The following GPR137C variants were observed in gnomAD, a reference collection of about 807,000 sequenced individuals.
GPR137C encodes G protein-coupled receptor 137C, also known as integral membrane protein GPR137C.
Under a neutral mutation model 43.4 loss-of-function variants are expected in GPR137C, and 27 were observed. The observed-to-expected ratio is 0.62, with a 90% CI of 0.46 to 0.86. The LOEUF (loss-of-function observed/expected upper bound fraction) is 0.86. Ranked by LOEUF, GPR137C falls within the 40% of genes least tolerant of loss-of-function variation. The pLI is 0.00. For synonymous variants in GPR137C, 285 were observed against 226.9 expected (o/e 1.26, Z -2.30); for missense variants, 522 against 534.6 (o/e 0.98, Z 0.23).
intron 2 of GPR137C, among the ~76,000 whole-genome samples, chr14:52,599,472 C>T (rs1321195965): frequency 1.4e-5 from 2 of 147,932 alleles, no homozygotes; most frequent in African/African-American, 2.5e-5. Flanking sequence ...CTCGCAGTCT[C>T]ACCCAGGCTG....
chr14:52,566,816 G>A (rs2038377506), intron 1 of GPR137C, among the ~76,000 whole-genome samples: 1 of 152,158 alleles, frequency 6.6e-6, no homozygotes, highest in South Asian at 2.1e-4. Context: ...GATACCATTA[G>A]AACACTGGAT....
At chr14:52,613,254 A>AG (rs2039059261) in intron 3 of GPR137C, 2 of 152,102 alleles carry the variant, frequency 1.3e-5, no homozygotes, top group Non-Finnish European at 2.9e-5. Flanking sequence ...CTCAAAAAAA[A>AG]AAAAAAAAAG....
chr14:52,627,942 A>T (rs1411927253), intron 3 of GPR137C, among the ~76,000 whole-genome samples: 1 of 152,230 alleles, frequency 6.6e-6, no homozygotes, highest in Non-Finnish European at 1.5e-5. Context: ...ATTCAGTATG[A>T]TAGCTAGCCA....
chr14:52,583,009 CA>C (rs2038667398), intron 1 of GPR137C, among the ~76,000 whole-genome samples: 4 of 151,964 alleles, frequency 2.6e-5, no homozygotes, highest in African/African-American at 9.7e-5. Context: ...AAATATTTGA[CA>C]GCCATTAACC....
chr14:52,634,989 C>G lies in GPR137C; in HGVS notation c.1164C>G (p.Gly388=). The G allele has an allele frequency of 6.2e-7, 1 of 1,612,484 alleles. No homozygotes were observed. The highest frequency in any genetic ancestry group is 8.5e-7 in the Non-Finnish European group (1 of 1,179,294). Residue 388 remains glycine, a synonymous_variant, in exon 7 of 7, where the codon GGC becomes GGG. Coordinates refer to ENST00000321662, the MANE Select transcript of GPR137C (RefSeq NM_001099652.2). ...LGWYGTMTGC[G]SSSYTVTPHL... ...GGTATGGCACCATGACTGGGTGTGGCAGCAGCAGTTACACAGTCACTCCCC... is the reference window on the plus strand; with the variant it reads ...GGTATGGCACCATGACTGGGTGTGGGAGCAGCAGTTACACAGTCACTCCCC...
Position 52,634,973 on chromosome 14 carries a change from C to G in GPR137C, c.1148C>G (p.Thr383Ser). ...TCGCAAAGTTTGGGCTGGTATGGCACCATGACTGGGTGTGGCAGCAGCAGT... is the reference window on the plus strand; with the variant it reads ...TCGCAAAGTTTGGGCTGGTATGGCAGCATGACTGGGTGTGGCAGCAGCAGT... ...PNSQSLGWYG[T>S]MTGCGSSSYT... is the part of the protein sequence containing the mutation. The change falls in exon 7 of 7, where the codon ACC becomes AGC. Residue 383 changes from threonine (T) to serine (S), a missense_variant. Transcript: ENST00000321662. The G allele has an allele frequency of 2.5e-6, 4 of 1,612,552 alleles. No individual in the cohort carries two copies. The highest frequency in any genetic ancestry group is 3.4e-6 in the Non-Finnish European group (4 of 1,179,276).
intron 1 of GPR137C, among the ~76,000 whole-genome samples, chr14:52,560,120 G>C (rs1304544266): frequency 3.3e-5 from 5 of 152,172 alleles, no homozygotes; most frequent in Non-Finnish European, 5.9e-5. Flanking sequence ...TTGCACCACT[G>C]CACTCCAGCT....
intron 1 of GPR137C, among the ~76,000 whole-genome samples, chr14:52,557,010 T>A (rs566338583): frequency 6.6e-6 from 1 of 152,316 alleles, no homozygotes; most frequent in Non-Finnish European, 1.5e-5. Context: ...GATGCTATTA[T>A]TGTCCCTACC....
At position 52,595,438 on chromosome 14, in the gene GPR137C, A is replaced by G. The variant is rs530968845; in HGVS notation, c.445-2834A>G. On this transcript the variant is annotated intron_variant, in intron 1 of 6. Coordinates refer to ENST00000321662, the MANE Select transcript of GPR137C (RefSeq NM_001099652.2). ...TTTCTAACTTGGTTCCATTCTCCCC[A>G]TCACTTTCAGGTACAACAATCAAAC... is the stretch of plus-strand genomic sequence containing the variant. Among the ~76,000 whole-genome samples, 270 of 152,284 alleles carry G rather than the reference A, an allele frequency of 1.8e-3. 1 individual carries two copies. The highest frequency in any genetic ancestry group is 6.2e-3 in the African/African-American group (256 of 41,554).
At chr14:52,562,126 G>A (rs981374335) in intron 1 of GPR137C, among the ~76,000 whole-genome samples, 12 of 151,990 alleles carry the variant, frequency 7.9e-5, no homozygotes, top group African/African-American at 2.7e-4. Flanking sequence ...AAAAGAACAG[G>A]ATAAATCCAA....
intron 1 of GPR137C, among the ~76,000 whole-genome samples, chr14:52,577,930 G>C (rs922565037): frequency 6.6e-6 from 1 of 151,852 alleles, no homozygotes; most frequent in South Asian, 2.1e-4. Context: ...GTGCCACTGC[G>C]TTCCAGCCTG....
intron 1 of GPR137C, among the ~76,000 whole-genome samples, chr14:52,581,370 T>TA (rs142405317): frequency 1.2e-3 from 148 of 127,482 alleles, no homozygotes; most frequent in Admixed American, 2.6e-3. Flanking sequence ...CCTTCTCTAC[T>TA]AAAAAAAAAA....
chr14:52,608,358 A>T (rs2039004684), intron 3 of GPR137C, among the ~76,000 whole-genome samples: 1 of 152,248 alleles, frequency 6.6e-6, no homozygotes, highest in Non-Finnish European at 1.5e-5. Context: ...CTTTGATCAC[A>T]AAAAGAAGAG....
At chr14:52,603,547 T>C (rs1412752030) in intron 3 of GPR137C, among the ~76,000 whole-genome samples, 1 of 152,148 alleles carries the variant, frequency 6.6e-6, no homozygotes, top group Non-Finnish European at 1.5e-5. Flanking sequence ...TGTTTGTTTG[T>C]TTTTGAGATG....
chr14:52,633,711 T>C, intron 5 of GPR137C, 56 bp downstream of exon 5: 3 of 1,575,972 alleles, frequency 1.9e-6, no homozygotes, highest in Non-Finnish European at 2.6e-6. Context: ...TTATGGAACA[T>C]TTATATTGAT....
intron 1 of GPR137C, among the ~76,000 whole-genome samples, chr14:52,567,524 A>G (rs189651903): frequency 7.9e-4 from 120 of 152,236 alleles, no homozygotes; most frequent in Middle Eastern, 3.4e-3. Context: ...TTTGTCCTAA[A>G]CCACATTAGA....
In GPR137C at chr14:52,602,545, G is replaced by T. The variant is rs997462304; in HGVS notation, c.717+2204G>T. On this transcript the variant is annotated intron_variant, in intron 3 of 6. Coordinates refer to ENST00000321662, the MANE Select transcript of GPR137C (RefSeq NM_001099652.2). ...CTTATTTCCAAATAAAACACAGTAT[G>T]CCCTCTATCTCTGTATTCTTAGGCT... 9.9e-5 allele frequency among the ~76,000 whole-genome samples: 15 copies of T among 151,828 alleles called. 1 individual carries two copies. The East Asian group carries it at 1.2e-3, about 12-fold the overall frequency.
intron 1 of GPR137C, among the ~76,000 whole-genome samples, chr14:52,597,188 A>T (rs923001094): frequency 1.3e-4 from 20 of 151,826 alleles, no homozygotes; most frequent in African/African-American, 4.6e-4. Context: ...CTTACCTCAT[A>T]CCCTTTCTTG....
At chr14:52,624,854 G>A (rs370946209) in intron 3 of GPR137C, among the ~76,000 whole-genome samples, 2 of 152,158 alleles carry the variant, frequency 1.3e-5, no homozygotes, top group African/African-American at 4.8e-5. Flanking sequence ...GGAAAACAGT[G>A]AAAATACAAA....
Sources: allele counts gnomAD v4.1 joint callset (sites outside exome capture counted in the v4.1 genomes callset), GRCh38; gene constraint gnomAD v4.1.1; transcripts MANE v1.5; gene names NCBI Gene and HGNC (gene_info 2026-07-23, HGNC 2026-07-21).